TMEFF2: variants seen among roughly 807,000 people sequenced by gnomAD.
TMEFF2 encodes the protein transmembrane protein with EGF like and two follistatin like domains 2, also known as tomoregulin-2.
In TMEFF2, 28 loss-of-function variants were observed where a neutral mutation model predicts 53.8. That is an observed-to-expected ratio of 0.52 (90% confidence interval 0.39 to 0.71). The LOEUF (loss-of-function observed/expected upper bound fraction) is 0.71. Among genes scored for constraint, TMEFF2 ranks in the 30% least tolerant of loss-of-function variants. The pLI is 0.00. For missense variants in TMEFF2, 353 were observed against 455.2 expected, an observed-to-expected ratio of 0.78 and a Z score of 2.04; for synonymous variants, 162 against 166.3, an observed-to-expected ratio of 0.97 and a Z score of 0.20.
At chr2:192,131,398 C>T (rs903439829) in intron 4 of TMEFF2, among the ~76,000 whole-genome samples, 27 of 151,682 alleles carry the variant, frequency 1.8e-4, no homozygotes, top group African/African-American at 5.6e-4. Context: ...TCACCTTTAG[C>T]GGCAAGTCCC....
intron 2 of TMEFF2, among the ~76,000 whole-genome samples, chr2:192,184,827 A>C (rs1295517741): frequency 1.3e-5 from 2 of 152,134 alleles, no homozygotes; most frequent in African/African-American, 4.8e-5. Context: ...GACTTGATGG[A>C]AAAAATTAAA....
chr2:192,081,857 A>G (rs1310980759), intron 4 of TMEFF2, among the ~76,000 whole-genome samples: 1 of 139,312 alleles, frequency 7.2e-6, no homozygotes, highest in East Asian at 2.1e-4. Context: ...GCTGGAGTGC[A>G]GTGGCGCGAT....
At chr2:192,187,195 A>G (rs1446371462) in intron 2 of TMEFF2, among the ~76,000 whole-genome samples, 1 of 152,204 alleles carries the variant, frequency 6.6e-6, no homozygotes, top group Non-Finnish European at 1.5e-5. Context: ...GTCTTGGTGT[A>G]GGACCTTTTG....
chr2:192,117,838 G>C (rs937368676), intron 4 of TMEFF2, among the ~76,000 whole-genome samples: 1 of 151,838 alleles, frequency 6.6e-6, no homozygotes, highest in Non-Finnish European at 1.5e-5. Context: ...TGTACACTAA[G>C]TAACCAATGG....
chr2:192,000,682 G>A (rs939996940), intron 5 of TMEFF2, among the ~76,000 whole-genome samples: 1 of 152,198 alleles, frequency 6.6e-6, no homozygotes, highest in African/African-American at 2.4e-5. Flanking sequence ...ATCTCAGAGT[G>A]TAGTCCTTAG....
At chr2:192,153,637 G>C (rs187005772) in intron 4 of TMEFF2, among the ~76,000 whole-genome samples, 209 of 152,018 alleles carry the variant, frequency 1.4e-3, no homozygotes, top group Middle Eastern at 6.8e-3. Flanking sequence ...GGTAATATCT[G>C]TTGATGTGCC....
chr2:191,993,499 A>G, intron 7 of TMEFF2, among the ~76,000 whole-genome samples: 1 of 151,988 alleles, frequency 6.6e-6, no homozygotes, highest in East Asian at 1.9e-4. Flanking sequence ...GAAATCCAGG[A>G]CTTACATTTT....
chr2:191,972,000 G>A (rs996763136), intron 7 of TMEFF2, among the ~76,000 whole-genome samples: 1 of 152,108 alleles, frequency 6.6e-6, no homozygotes, highest in Non-Finnish European at 1.5e-5. Context: ...AAAGACAAAT[G>A]CAGGAAAGAG....
At chr2:192,003,051 T>C (rs1223948992) in intron 5 of TMEFF2, among the ~76,000 whole-genome samples, 4 of 152,180 alleles carry the variant, frequency 2.6e-5, no homozygotes, top group East Asian at 1.9e-4. Context: ...TCTAAGTCCA[T>C]CTTGATCTCT....
chr2:192,057,570 A>G (rs1413416521), intron 5 of TMEFF2, 109 bp downstream of exon 5: 3 of 1,030,946 alleles, frequency 2.9e-6, no homozygotes, highest in Non-Finnish European at 4.5e-6. Flanking sequence ...GAACTGAATA[A>G]GAAAATAAAA....
At chr2:191,955,619 G>A (rs1280908636) in intron 8 of TMEFF2, among the ~76,000 whole-genome samples, 2 of 137,340 alleles carry the variant, frequency 1.5e-5, no homozygotes, top group East Asian at 4.6e-4. Context: ...CCCAAAATGC[G>A]GGATTACAGG....
At chr2:191,970,720 G>C (rs1044133155) in intron 7 of TMEFF2, among the ~76,000 whole-genome samples, 1 of 152,166 alleles carries the variant, frequency 6.6e-6, no homozygotes, top group East Asian at 1.9e-4. Flanking sequence ...GTACATGGTT[G>C]GTAACCATTT....
chr2:192,008,832 C>T lies in TMEFF2; in HGVS notation c.537-9624G>A, dbSNP rs1367314515. On this transcript the variant is annotated intron_variant, in intron 5 of 9. Coordinates refer to ENST00000272771, the MANE Select transcript of TMEFF2 (RefSeq NM_016192.4). ...GGGTGGCTTCATGTTTGTGTTTTAC[C>T]AACTGGCCCTCTGTTATGCTTTCAC... Among the ~76,000 whole-genome samples, 8 of 152,256 alleles carry T rather than the reference C, an allele frequency of 5.3e-5. No homozygotes were observed. In the East Asian group the frequency reaches 1.5e-3, roughly 29 times the overall value.
intron 4 of TMEFF2, among the ~76,000 whole-genome samples, chr2:192,108,306 A>C (rs1242363496): frequency 6.6e-6 from 1 of 151,878 alleles, no homozygotes; most frequent in Non-Finnish European, 1.5e-5. Flanking sequence ...AACAACTTGA[A>C]TTGGATGCAA....
intron 4 of TMEFF2, among the ~76,000 whole-genome samples, chr2:192,163,000 T>A (rs1466289090): frequency 6.6e-6 from 1 of 152,146 alleles, no homozygotes; most frequent in African/African-American, 2.4e-5. Flanking sequence ...TTTCCCCAAA[T>A]ACCACATATG....
intron 4 of TMEFF2, among the ~76,000 whole-genome samples, chr2:192,144,205 A>G (rs4853491): frequency 0.09 from 13,543 of 151,092 alleles, 1,324 homozygotes; most frequent in East Asian, 0.52. Context: ...CATCACCATC[A>G]CTCTCCCCAT....
At chr2:192,106,048 A>G (rs1295700960) in intron 4 of TMEFF2, among the ~76,000 whole-genome samples, 5 of 151,892 alleles carry the variant, frequency 3.3e-5, no homozygotes. Context: ...ATTAATCTCA[A>G]GAAAATAGTC....
chr2:192,089,305 G>C (rs1480439011), intron 4 of TMEFF2, among the ~76,000 whole-genome samples: 1 of 150,202 alleles, frequency 6.7e-6, no homozygotes, highest in Non-Finnish European at 1.5e-5. Flanking sequence ...TTTGATAGAA[G>C]AATTAGGTAA....
At chr2:192,188,437 C>A (rs148282275) in intron 2 of TMEFF2, among the ~76,000 whole-genome samples, 1 of 152,168 alleles carries the variant, frequency 6.6e-6, no homozygotes, top group Non-Finnish European at 1.5e-5. Flanking sequence ...ACCCTCAGAT[C>A]GGTATAGCAC....
Sources: gnomAD v4.1 joint callset for allele counts (sites outside exome capture counted in the v4.1 genomes callset) on GRCh38, gnomAD v4.1.1 for gene constraint, MANE v1.5 for transcripts, NCBI Gene and HGNC (gene_info 2026-07-23, HGNC 2026-07-21) for gene names.